GREP1: variants seen among roughly 807,000 people sequenced by gnomAD.
The protein encoded by GREP1 is glycine-rich extracellular protein 1.
intron 18 of GREP1, among the ~76,000 whole-genome samples, chr16:2,996,073 C>T (rs1045296838): frequency 3.9e-5 from 6 of 152,152 alleles, no homozygotes; most frequent in Admixed American, 1.3e-4. Context: ...GCTGGGATTA[C>T]AGACACCCAC....
At position 2,991,415 on chromosome 16, in the gene GREP1, T is replaced by G; in HGVS notation, c.322+314T>G. 3.7e-6 allele frequency: 1 copy of G among 270,240 alleles called. No homozygotes were observed. Among genetic ancestry groups the G allele is most frequent in the Non-Finnish European group, 6.9e-6 (1 of 145,006 alleles). 16.7% of individuals were successfully genotyped at this position (270,240 alleles called of 1,614,324 possible). On this transcript the variant is annotated intron_variant, in intron 8 of 34. Coordinates refer to ENST00000573315, the Ensembl canonical transcript of GREP1. The surrounding 1 kb of genome is among the most constrained non-coding windows in gnomAD (Gnocchi z 4.9). ...GAAGTGGTTTGGGCGCTGGCACTCT[T>G]CCAGGGGCAGGAACCCCACCAGGTG...
chr16:2,997,945 G>C (rs1453974391), intron 23 of GREP1, 110 bp downstream of exon 21: 1 of 397,228 alleles, frequency 2.5e-6, no homozygotes, highest in Non-Finnish European at 4.4e-6. Context: ...GAACGGGCTG[G>C]AGCTGGAGCC....
At chr16:2,996,957 C>T (rs1285068302) in exon 21 of GREP1, 2 of 399,082 alleles carry the variant, frequency 5.0e-6, no homozygotes, top group African/African-American at 2.1e-5. Context: ...CTGGGAGCTC[C>T]AAACGGCTAT....
chr16:3,001,361 C>T lies in GREP1; in HGVS notation c.1585+27C>T, dbSNP rs111603656. The T allele has an allele frequency of 1.8e-5, 7 of 399,126 alleles. No homozygotes were observed. In the Middle Eastern group the frequency reaches 1.9e-3, roughly 108 times the overall value. 24.7% of individuals were successfully genotyped at this position (399,126 alleles called of 1,614,324 possible). The stretch of plus-strand genomic sequence containing the variant: ...TGAGAGGGAGGCGCAATGGCCGAGC[C>T]GCCTGCCCAAAGGCCCCCCGTGGTC... On this transcript the variant is annotated intron_variant, in intron 34 of 34. Coordinates refer to ENST00000573315, the Ensembl canonical transcript of GREP1.
chr16:2,995,363 C>T (rs1350625643), intron 14 of GREP1, 47 bp downstream of exon 15: 1 of 398,730 alleles, frequency 2.5e-6, no homozygotes, highest in African/African-American at 2.1e-5. Context: ...GTTCAGAGCC[C>T]CCTTCCCCCT....
chr16:3,000,416 A>C (rs2072454355), intron 30 of GREP1: 2 of 399,004 alleles, frequency 5.0e-6, no homozygotes, highest in African/African-American at 4.1e-5. Context: ...CCAGCCTCTG[A>C]CACCCTCTTT....
chr16:3,000,322 C>T, exon 30 of GREP1: 1 of 399,304 alleles, frequency 2.5e-6, no homozygotes, highest in East Asian at 3.6e-5. Flanking sequence ...GTCCTGGGAG[C>T]CAGGGTCTTC....
chr16:2,993,542 C>T (rs2072409499), intron 10 of GREP1: 1 of 152,032 alleles, frequency 6.6e-6, no homozygotes, highest in South Asian at 2.1e-4. Context: ...TGGCACGTGC[C>T]TGTAGTCCCA....
At chr16:2,990,206 C>T (rs1377416196) in intron 5 of GREP1, 84 bp downstream of exon 5, 3 of 398,024 alleles carry the variant, frequency 7.5e-6, no homozygotes, top group South Asian at 1.3e-4. Context: ...TGGGGGGAGG[C>T]GCAGAGAGCC....
At chr16:2,997,192 G>A (rs1426787956) in intron 21 of GREP1, 107 bp downstream of exon 20, 3 of 398,628 alleles carry the variant, frequency 7.5e-6, no homozygotes, top group Admixed American at 4.4e-5. Flanking sequence ...GCTGGGAGCC[G>A]AGCCAGTGAG....
At chr16:2,995,227 G>C (rs2072418469) in intron 13 of GREP1, 57 bp from the exon 15 acceptor site, 6 of 398,850 alleles carry the variant, frequency 1.5e-5, no homozygotes, top group Non-Finnish European at 2.7e-5. Context: ...TGGGGTTCTG[G>C]GGTGGATCTG....
chr16:2,988,718 A>T (rs980606018), intron 2 of GREP1, 96 bp downstream of exon 2: 1 of 398,672 alleles, frequency 2.5e-6, no homozygotes, highest in South Asian at 1.3e-4. Context: ...TGCGGGGCCC[A>T]GGAGAGCTCA....
rs2072405464 is a variant in GREP1, at chr16:2,992,758, A to T, written c.323-47A>T. 2.5e-6 allele frequency: 1 copy of T among 399,178 alleles called. No homozygotes were observed. The highest frequency in any genetic ancestry group is 1.3e-4 in the South Asian group (1 of 7,850). The allele number at this position is 399,178 out of a possible 1,614,324, so 24.7% of individuals were successfully genotyped here. A position where few individuals can be genotyped will look rare whatever the true frequency, so the allele number is the denominator to read the frequency against. Reference sequence around the variant, plus strand: ...AGGGCAGGGCTCCAGGCCCCAGCTCATCCCCACTGCACCACCTTCCACACT... The same window carrying T: ...AGGGCAGGGCTCCAGGCCCCAGCTCTTCCCCACTGCACCACCTTCCACACT... On this transcript the variant is annotated intron_variant, in intron 8 of 34. Coordinates refer to ENST00000573315, the Ensembl canonical transcript of GREP1. The surrounding 1 kb of genome is among the most constrained non-coding windows in gnomAD (Gnocchi z 4.9).
At position 2,989,539 on chromosome 16, in the gene GREP1, T is replaced by A. The variant is rs924738793; in HGVS notation, c.117T>A (p.Ser39Arg). The A allele has an allele frequency of 2.0e-5, 8 of 397,494 alleles. No individual in the cohort carries two copies. Among genetic ancestry groups the A allele is most frequent in the Middle Eastern group, 6.2e-4 (1 of 1,618 alleles). The allele number at this position is 397,494 out of a possible 1,614,324, so 24.6% of individuals were successfully genotyped here. The change falls in exon 3 of 35, where the codon AGT becomes AGA. Residue 39 changes from serine to arginine, a missense_variant. Physicochemically the swap from Ser to Arg is moderately radical, Grantham distance 110 (BLOSUM62 -1). Coordinates refer to ENST00000573315, the Ensembl canonical transcript of GREP1. The surrounding 1 kb of genome is among the most constrained non-coding windows in gnomAD (Gnocchi z 4.2). ...CTCCCACAGTCTATGGCCCCCACAG[T>A]GGCCTGGGAGCAGGTGAGGCCTGGC... is the stretch of plus-strand genomic sequence containing the variant.
chr16:2,999,746 C>T lies in GREP1; in HGVS notation c.1190-156C>T, dbSNP rs1169348488. Reference sequence around the variant, plus strand: ...GGATTACAGGCGTGAGCCACTGCGCCCAGTCTCTTGCTGCTCTCCAGATTT... The same window carrying T: ...GGATTACAGGCGTGAGCCACTGCGCTCAGTCTCTTGCTGCTCTCCAGATTT... On this transcript the variant is annotated intron_variant, in intron 27 of 34. Coordinates refer to ENST00000573315, the Ensembl canonical transcript of GREP1. Among the ~76,000 whole-genome samples the T allele has an allele frequency of 2.6e-5, 4 of 152,334 alleles. No individual in the cohort carries two copies. In the East Asian group the frequency reaches 7.7e-4, roughly 29 times the overall value.
intron 5 of GREP1, 143 bp from the exon 6 acceptor site, chr16:2,990,409 G>A (rs1173198841): frequency 1.0e-5 from 4 of 398,912 alleles, no homozygotes; most frequent in Non-Finnish European, 1.8e-5. Flanking sequence ...GTATCCCTGG[G>A]ATGGGGATTC....
intron 22 of GREP1, chr16:2,997,525 T>C (rs901447930): frequency 2.5e-6 from 1 of 398,356 alleles, no homozygotes; most frequent in Non-Finnish European, 4.4e-6. Context: ...TCCTGCAGCC[T>C]TAGACGGGGT....
chr16:3,000,452 A>G (rs116975776), exon 31 of GREP1: 7,498 of 399,180 alleles, frequency 0.019, 104 homozygotes, highest in Non-Finnish European at 0.021. Context: ...CATGGGGCCA[A>G]TGGTTTTAGG....
At chr16:2,990,721 G>A (rs911139154) in intron 7 of GREP1, 134 bp downstream of exon 6, 8 of 398,270 alleles carry the variant, frequency 2.0e-5, no homozygotes, top group Non-Finnish European at 3.5e-5. Context: ...CCTCAGAGAG[G>A]GCAGAACAGG....
Sources: allele counts gnomAD v4.1 joint callset (sites outside exome capture counted in the v4.1 genomes callset), GRCh38; gene constraint gnomAD v4.1.1; non-coding constraint Gnocchi (gnomAD v3.1); transcripts MANE v1.5; gene names NCBI Gene and HGNC (gene_info 2026-07-23, HGNC 2026-07-21).